Variants in LPP observed in about 807,000 individuals in gnomAD.
LPP encodes the protein LIM domain containing preferred translocation partner in lipoma.
Under a neutral mutation model 60.4 loss-of-function variants are expected in LPP, and 38 were observed. The ratio of observed to expected loss-of-function variants is 0.63; its 90% CI spans 0.49 to 0.83. The LOEUF (loss-of-function observed/expected upper bound fraction) is 0.83. Among genes scored for constraint, LPP ranks in the 40% least tolerant of loss-of-function variants. LPP has a pLI of 0.00. For synonymous variants in LPP, 328 were observed against 290.8 expected, an observed-to-expected ratio of 1.13 and a Z score of -1.30; for missense variants, 902 against 783.6, an observed-to-expected ratio of 1.15 and a Z score of -1.80.
intron 7 of LPP, among the ~76,000 whole-genome samples, chr3:188,683,144 C>A (rs895394385): frequency 2.0e-5 from 3 of 152,090 alleles, no homozygotes; most frequent in Non-Finnish European, 4.4e-5. Flanking sequence ...GACTCTGTGG[C>A]AATGGCTGTG....
intron 7 of LPP, among the ~76,000 whole-genome samples, chr3:188,691,161 T>C (rs370600505): frequency 6.6e-6 from 1 of 152,210 alleles, no homozygotes; most frequent in East Asian, 1.9e-4. Context: ...CAATTTGGGT[T>C]AAACTTTATT....
rs1470174329 is a variant in LPP, at chr3:188,887,234, C to G, written c.*12755C>G. The G allele has an allele frequency of 9.0e-6, 2 of 221,508 alleles. No individual in the cohort carries two copies. Among genetic ancestry groups the G allele is most frequent in the Non-Finnish European group, 1.8e-5 (2 of 110,682 alleles). 13.7% of individuals were successfully genotyped at this position (221,508 alleles called of 1,614,324 possible). ...TTTAAGAAATGCAAAATGGGAAGAG[C>G]TAGCTTTTCTTAGATACATTTCTTC... On this transcript the variant is annotated 3_prime_UTR_variant, in exon 12 of 12. Transcript: ENST00000617246.
At chr3:188,671,509 C>G (rs1410190791) in intron 7 of LPP, among the ~76,000 whole-genome samples, 1 of 152,134 alleles carries the variant, frequency 6.6e-6, no homozygotes, top group Non-Finnish European at 1.5e-5. Context: ...TCCCCTCCCC[C>G]TTTCCCTTAC....
At chr3:188,625,096 T>C (rs1242209024) in intron 7 of LPP, among the ~76,000 whole-genome samples, 1 of 152,154 alleles carries the variant, frequency 6.6e-6, no homozygotes, top group African/African-American at 2.4e-5. Context: ...TTATCTAATT[T>C]CAGTCATAAA....
intron 5 of LPP, among the ~76,000 whole-genome samples, chr3:188,485,267 G>A (rs539173068): frequency 3.9e-5 from 6 of 152,266 alleles, no homozygotes; most frequent in African/African-American, 1.2e-4. Context: ...TAATTGCAAA[G>A]TAACTCGGGG....
At chr3:188,362,137 G>A (rs542856702) in intron 3 of LPP, among the ~76,000 whole-genome samples, 2 of 152,150 alleles carry the variant, frequency 1.3e-5, no homozygotes, top group Admixed American at 6.5e-5. Flanking sequence ...CCTGAAGGAG[G>A]GGGTATTTGA....
At chr3:188,257,776 A>T (rs1732158165) in intron 2 of LPP, among the ~76,000 whole-genome samples, 1 of 152,236 alleles carries the variant, frequency 6.6e-6, no homozygotes. Flanking sequence ...ACAACGTGCA[A>T]GACATGTGTT....
chr3:188,841,297 GTGTCCTGACAAC>G (rs1560280453), intron 9 of LPP, among the ~76,000 whole-genome samples: 1 of 26,572 alleles, frequency 3.8e-5, no homozygotes, highest in African/African-American at 1.7e-4. Context: ...GTGTGGTACA[GTGTCCTGACAAC>G]TTAAGCTCAT....
intron 5 of LPP, among the ~76,000 whole-genome samples, chr3:188,491,153 A>G (rs945283654): frequency 2.0e-5 from 3 of 152,176 alleles, no homozygotes; most frequent in South Asian, 2.1e-4. Flanking sequence ...AAGGAACTCA[A>G]ACCTACAGTA....
At chr3:188,831,591 G>C (rs559256735) in intron 9 of LPP, among the ~76,000 whole-genome samples, 1 of 152,200 alleles carries the variant, frequency 6.6e-6, no homozygotes, top group Non-Finnish European at 1.5e-5. Flanking sequence ...GGCCACCCAG[G>C]CTCTTTCCGG....
chr3:188,240,324 T>C (rs1723716912), intron 2 of LPP, among the ~76,000 whole-genome samples: 1 of 150,746 alleles, frequency 6.6e-6, no homozygotes, highest in African/African-American at 2.5e-5. Context: ...TGCATAAGAG[T>C]CAGGAGTTTT....
chr3:188,606,259 T>C (rs1842354730), intron 6 of LPP, among the ~76,000 whole-genome samples: 1 of 152,154 alleles, frequency 6.6e-6, no homozygotes, highest in East Asian at 1.9e-4. Flanking sequence ...GCCATGTACA[T>C]AATACCTGTG....
chr3:188,380,148 C>T (rs79908878), intron 3 of LPP, among the ~76,000 whole-genome samples: 1,698 of 152,300 alleles, frequency 0.011, 28 homozygotes, highest in African/African-American at 0.037. Context: ...GTACTTTTCC[C>T]TCATATTCCA....
chr3:188,881,553 C>A lies in LPP; in HGVS notation c.*7074C>A, dbSNP rs1356206937. 1 of 216,518 alleles carries A rather than the reference C, an allele frequency of 4.6e-6. No individual in the cohort carries two copies. The highest frequency in any genetic ancestry group is 9.3e-6 in the Non-Finnish European group (1 of 107,514). 13.4% of individuals were successfully genotyped at this position (216,518 alleles called of 1,614,324 possible). ...ACCCAAAGAGAATTTCCCCAAAAAA[C>A]CTCAGACCCAGAAGTGTAAAAGCTA... is the stretch of plus-strand genomic sequence containing the variant. On this transcript the variant is annotated 3_prime_UTR_variant, in exon 12 of 12. Coordinates refer to ENST00000617246, the MANE Select transcript of LPP (RefSeq NM_001375462.1).
At chr3:188,507,760 C>A (rs946100458) in intron 5 of LPP, among the ~76,000 whole-genome samples, 5 of 152,198 alleles carry the variant, frequency 3.3e-5, no homozygotes, top group East Asian at 1.9e-4. Context: ...AGATCGTTGC[C>A]CCCTGGAAAA....
intron 7 of LPP, among the ~76,000 whole-genome samples, chr3:188,701,638 A>T (rs1864423069): frequency 1.3e-5 from 2 of 152,164 alleles, no homozygotes; most frequent in African/African-American, 4.8e-5. Context: ...CAGCAAGAGG[A>T]GGAAATGGAT....
At chr3:188,516,262 C>T (rs1336010041) in intron 5 of LPP, among the ~76,000 whole-genome samples, 1 of 152,124 alleles carries the variant, frequency 6.6e-6, no homozygotes, top group Non-Finnish European at 1.5e-5. Flanking sequence ...TTTTCCCTAA[C>T]TTACAACAGT....
At chr3:188,608,875 T>A (rs1843027786) in intron 6 of LPP, among the ~76,000 whole-genome samples, 2 of 152,206 alleles carry the variant, frequency 1.3e-5, no homozygotes, top group South Asian at 4.1e-4. Context: ...CAGTATATAA[T>A]CTTTCTCCTC....
At chr3:188,690,176 G>C (rs1193686548) in intron 7 of LPP, among the ~76,000 whole-genome samples, 1 of 152,192 alleles carries the variant, frequency 6.6e-6, no homozygotes, top group Non-Finnish European at 1.5e-5. Context: ...GAGATGCAGA[G>C]AGATTATGTG....
Sources: allele counts gnomAD v4.1 joint callset (sites outside exome capture counted in the v4.1 genomes callset), GRCh38; gene constraint gnomAD v4.1.1; transcripts MANE v1.5; gene names NCBI Gene and HGNC (gene_info 2026-07-23, HGNC 2026-07-21).